The following RERE variants were observed in gnomAD, a reference collection of about 807,000 sequenced individuals.
RERE encodes the protein arginine-glutamic acid dipeptide repeats protein.
A neutral mutation model predicts 146.1 loss-of-function variants in RERE; 40 were observed. That is an observed-to-expected ratio of 0.27 (90% CI 0.21 to 0.36). The LOEUF (loss-of-function observed/expected upper bound fraction) is 0.36, where lower values mean the gene tolerates loss of function less well. Among genes scored for constraint, RERE ranks in the 10% least tolerant of loss-of-function variants. The pLI is 1.00. For missense variants in RERE, 1,933 were observed against 2,138.7 expected (o/e 0.90, Z 1.90); for synonymous variants, 1,003 against 866.0 (o/e 1.16, Z -2.78).
Position 8,423,723 on chromosome 1 carries a change from C to T in RERE, c.1204-916G>A, listed in dbSNP as rs1247089791. 4.1e-6 allele frequency: 4 copies of T among 979,320 alleles called. No homozygotes were observed. The highest frequency in any genetic ancestry group is 4.8e-6 in the Non-Finnish European group (4 of 827,058). The allele number at this position is 979,320 out of a possible 1,614,324, so 60.7% of individuals were successfully genotyped here. On this transcript the variant is annotated intron_variant, in intron 11 of 22. Transcript: ENST00000400908. This position sits in a 1 kb window ranked among gnomAD's most constrained non-coding sequence, Gnocchi z 5.4. Reference sequence around the variant, plus strand: ...GGCTCGGCGTGTGACCGCGGCGGGGCCGCGCGGCGCGGGGCCCGGGGGGCG... The same window carrying T: ...GGCTCGGCGTGTGACCGCGGCGGGGTCGCGCGGCGCGGGGCCCGGGGGGCG...
intron 1 of RERE, among the ~76,000 whole-genome samples, chr1:8,698,123 G>C (rs915640935): frequency 1.3e-5 from 2 of 152,134 alleles, no homozygotes; most frequent in Non-Finnish European, 1.5e-5. Flanking sequence ...TATAAAGCTG[G>C]TGAGTAAAAC....
chr1:8,809,195 G>T (rs972470941), intron 1 of RERE, among the ~76,000 whole-genome samples: 2 of 148,954 alleles, frequency 1.3e-5, no homozygotes, highest in Non-Finnish European at 3.0e-5. Flanking sequence ...AGAATCATGA[G>T]GAACATCAAT....
At chr1:8,789,319 T>C (rs1372863673) in intron 1 of RERE, among the ~76,000 whole-genome samples, 1 of 107,506 alleles carries the variant, frequency 9.3e-6, no homozygotes, top group African/African-American at 3.5e-5. Flanking sequence ...TATATATATA[T>C]ATATATGAGA....
At chr1:8,758,483 C>G (rs911598367) in intron 1 of RERE, among the ~76,000 whole-genome samples, 1 of 151,282 alleles carries the variant, frequency 6.6e-6, no homozygotes, top group Non-Finnish European at 1.5e-5. Flanking sequence ...CCTCAAATTC[C>G]TGGGTGCAAG....
intron 1 of RERE, among the ~76,000 whole-genome samples, chr1:8,701,883 T>C (rs1165603032): frequency 6.6e-6 from 1 of 152,214 alleles, no homozygotes; most frequent in Admixed American, 6.5e-5. Context: ...TGTAATTTAC[T>C]AGGCAATGTA....
At chr1:8,788,592 T>C (rs1641302293) in intron 1 of RERE, among the ~76,000 whole-genome samples, 1 of 152,020 alleles carries the variant, frequency 6.6e-6, no homozygotes, top group Admixed American at 6.6e-5. Context: ...CTCGAACTCC[T>C]GACCTCATTA....
At chr1:8,434,768 AG>A (rs930561434) in intron 11 of RERE, 2 of 152,266 alleles carry the variant, frequency 1.3e-5, no homozygotes, top group Admixed American at 6.5e-5. Context: ...GCTTGCCTAA[AG>A]TCACCACGCT....
intron 4 of RERE, among the ~76,000 whole-genome samples, chr1:8,565,206 AAG>A (rs111847940): frequency 0.013 from 1,945 of 152,294 alleles, 37 homozygotes; most frequent in African/African-American, 0.044. Context: ...CAAAATTGGT[AAG>A]AGAGTAAATT....
chr1:8,537,006 C>T (rs1388140073), intron 7 of RERE, among the ~76,000 whole-genome samples: 1 of 152,026 alleles, frequency 6.6e-6, no homozygotes, highest in Non-Finnish European at 1.5e-5. Context: ...ATTTAGAGAC[C>T]AGCCTGGGGA....
intron 4 of RERE, among the ~76,000 whole-genome samples, chr1:8,577,761 C>G (rs1646313924): frequency 6.6e-6 from 1 of 152,148 alleles, no homozygotes; most frequent in African/African-American, 2.4e-5. Context: ...ACATCTTATT[C>G]ATTGTGAGAT....
At chr1:8,517,996 AG>A (rs1645443706) in intron 7 of RERE, among the ~76,000 whole-genome samples, 1 of 152,214 alleles carries the variant, frequency 6.6e-6, no homozygotes. Context: ...TGCTAGATGC[AG>A]GATCCCAGCC....
intron 4 of RERE, among the ~76,000 whole-genome samples, chr1:8,608,339 C>G (rs1046851259): frequency 1.3e-5 from 2 of 151,986 alleles, no homozygotes; most frequent in East Asian, 3.9e-4. Context: ...CCTGTCTCTA[C>G]AAAAATTTAA....
At chr1:8,413,972 T>C (rs1643687048) in intron 12 of RERE, among the ~76,000 whole-genome samples, 1 of 148,766 alleles carries the variant, frequency 6.7e-6, no homozygotes, top group Admixed American at 6.9e-5. Context: ...GGAGAATTGC[T>C]TGAACCCGGG....
intron 12 of RERE, among the ~76,000 whole-genome samples, chr1:8,409,301 T>C (rs1444562149): frequency 2.0e-5 from 3 of 152,214 alleles, no homozygotes; most frequent in African/African-American, 7.2e-5. Context: ...TGCTCTCCTG[T>C]CACCCAGCAA....
At chr1:8,410,730 T>C (rs1408205345) in intron 12 of RERE, among the ~76,000 whole-genome samples, 1 of 152,214 alleles carries the variant, frequency 6.6e-6, no homozygotes. Context: ...AAGCCCCAAG[T>C]GTCCATCTTC....
intron 3 of RERE, among the ~76,000 whole-genome samples, chr1:8,618,651 CG>C (rs1427038442): frequency 6.6e-6 from 1 of 152,076 alleles, no homozygotes; most frequent in Non-Finnish European, 1.5e-5. Flanking sequence ...GTCGATAATG[CG>C]TAAGTCTGAT....
intron 2 of RERE, among the ~76,000 whole-genome samples, chr1:8,633,594 T>C (rs1264978077): frequency 6.6e-6 from 1 of 151,890 alleles, no homozygotes; most frequent in Non-Finnish European, 1.5e-5. Context: ...GTGTAAGACA[T>C]GCTTAAAGCA....
intron 12 of RERE, among the ~76,000 whole-genome samples, chr1:8,417,948 A>G (rs1255478049): frequency 2.0e-5 from 3 of 152,178 alleles, no homozygotes; most frequent in Non-Finnish European, 4.4e-5. Flanking sequence ...GGGCCTGTCA[A>G]AAATGAATCC....
At chr1:8,419,315 A>G (rs1391000708) in intron 12 of RERE, among the ~76,000 whole-genome samples, 1 of 152,200 alleles carries the variant, frequency 6.6e-6, no homozygotes, top group East Asian at 1.9e-4. Context: ...TTCAGTGGGC[A>G]GCAGTGTTCA....
Sources: gnomAD v4.1 joint callset for allele counts (sites outside exome capture counted in the v4.1 genomes callset) on GRCh38, gnomAD v4.1.1 for gene constraint, Gnocchi (gnomAD v3.1) non-coding constraint, MANE v1.5 for transcripts, NCBI Gene and HGNC (gene_info 2026-07-23, HGNC 2026-07-21) for gene names.